Variants in SAMD4A observed in about 807,000 individuals in gnomAD.
SAMD4A encodes protein Smaug homolog 1.
SAMD4A carries 33 observed loss-of-function variants against 81.3 expected under a neutral mutation model. The ratio of observed to expected loss-of-function variants is 0.41; its 90% confidence interval spans 0.31 to 0.54. The LOEUF is 0.54. Among genes scored for constraint, SAMD4A ranks in the 20% least tolerant of loss-of-function variants. SAMD4A has a pLI of 0.37. For missense variants in SAMD4A, 854 were observed against 951.1 expected, an observed-to-expected ratio of 0.90 and a Z score of 1.34; for synonymous variants, 389 against 382.1, an observed-to-expected ratio of 1.02 and a Z score of -0.21.
chr14:54,675,060 G>A (rs568912697), intron 2 of SAMD4A, among the ~76,000 whole-genome samples: 2 of 152,188 alleles, frequency 1.3e-5, no homozygotes, highest in African/African-American at 4.8e-5. Flanking sequence ...GCTCAGTAGG[G>A]AGAGATTTTA....
chr14:54,752,576 A>G lies in SAMD4A; in HGVS notation c.1176+1039A>G, dbSNP rs78035082. On this transcript the variant is annotated intron_variant, in intron 6 of 12. Coordinates refer to ENST00000554335, the MANE Select transcript of SAMD4A (RefSeq NM_015589.6). Reference sequence around the variant, plus strand: ...AGTGGTAATTTTTCAGCAGGTGCACAAAGATGTGTGTGTGTATAATTTCGT... The same window carrying G: ...AGTGGTAATTTTTCAGCAGGTGCACGAAGATGTGTGTGTGTATAATTTCGT... Among the ~76,000 whole-genome samples, 1,026 of 152,330 alleles carry G rather than the reference A, an allele frequency of 6.7e-3. 15 individuals carry two copies. Among genetic ancestry groups the G allele is most frequent in the African/African-American group, 0.023 (966 of 41,560 alleles).
chr14:54,692,555 C>A (rs2036467627), intron 2 of SAMD4A, among the ~76,000 whole-genome samples: 2 of 152,120 alleles, frequency 1.3e-5, no homozygotes, highest in African/African-American at 4.8e-5. Flanking sequence ...ACACTTTTCT[C>A]CTTTGCAAGG....
chr14:54,679,769 T>G (rs962057300), intron 2 of SAMD4A, among the ~76,000 whole-genome samples: 1 of 152,224 alleles, frequency 6.6e-6, no homozygotes, highest in African/African-American at 2.4e-5. Context: ...AGGTCCTGTC[T>G]GCAATTGGGA....
At chr14:54,762,511 C>T (rs572318311) in intron 7 of SAMD4A, among the ~76,000 whole-genome samples, 1 of 152,294 alleles carries the variant, frequency 6.6e-6, no homozygotes, top group South Asian at 2.1e-4. Context: ...CTCTCCCCCA[C>T]CCACCCCTTA....
rs1555343980 is a variant in SAMD4A at position 54,692,885 on chromosome 14, C to CCCG, written c.197-9177_197-9176insCCG. On this transcript the variant is annotated intron_variant, in intron 2 of 12. Coordinates refer to ENST00000554335, the MANE Select transcript of SAMD4A (RefSeq NM_015589.6). Reference sequence around the variant, plus strand: ...GAAACAATCACTTAGTGCCCCCCCCCGCAAAAAAATCAGACATATAACAGT... The same window carrying CCCG: ...GAAACAATCACTTAGTGCCCCCCCCCCCGGCAAAAAAATCAGACATATAACAGT... 1.2e-4 allele frequency: 18 copies of CCCG among 147,456 alleles called. 1 individual carries two copies. The highest frequency in any genetic ancestry group is 2.1e-4 in the Non-Finnish European group (14 of 66,230). The allele number at this position is 147,456 out of a possible 1,614,324, so 9.1% of individuals were successfully genotyped here.
At chr14:54,612,349 C>T (rs2034379282) in intron 2 of SAMD4A, among the ~76,000 whole-genome samples, 1 of 152,082 alleles carries the variant, frequency 6.6e-6, no homozygotes, top group Admixed American at 6.6e-5. Flanking sequence ...ATAGACTAAT[C>T]TACATATGTC....
intron 2 of SAMD4A, among the ~76,000 whole-genome samples, chr14:54,649,050 T>A (rs188912972): frequency 2.3e-4 from 35 of 152,198 alleles, no homozygotes; most frequent in Admixed American, 6.5e-4. Flanking sequence ...GATTCCAAAG[T>A]TTTGTCCTGA....
At chr14:54,728,740 C>T (rs772679333) in intron 3 of SAMD4A, among the ~76,000 whole-genome samples, 24 of 152,196 alleles carry the variant, frequency 1.6e-4, no homozygotes, top group Non-Finnish European at 3.5e-4. Flanking sequence ...TAATTATTTA[C>T]AGCCCTTCTC....
At position 54,743,881 on chromosome 14, in the gene SAMD4A, T is replaced by C. The variant is rs79273167; in HGVS notation, c.980-4934T>C. Among the ~76,000 whole-genome samples the C allele has an allele frequency of 6.6e-5, 10 of 152,364 alleles. No homozygotes were observed. The East Asian group carries it at 1.9e-3, about 29-fold the overall frequency. ...CTGCTTGTTCTGCTCTGGCCAGAAA[T>C]AAAGACAAGCTTCTGTAACCTTGAC... On this transcript the variant is annotated intron_variant, in intron 4 of 12. Transcript: ENST00000554335.
chr14:54,784,669 T>C (rs1250482762), intron 12 of SAMD4A, 49 bp downstream of exon 12: 2 of 1,508,138 alleles, frequency 1.3e-6, no homozygotes, highest in African/African-American at 1.4e-5. Context: ...ACCGTGTGCC[T>C]GGGAGAACTG....
At chr14:54,779,684 T>A (rs200249165) in intron 11 of SAMD4A, among the ~76,000 whole-genome samples, 3,871 of 150,660 alleles carry the variant, frequency 0.026, 178 homozygotes, top group African/African-American at 0.087. Context: ...CAAGCTTTTT[T>A]TTTTTTTTTT....
At chr14:54,776,104 T>C (rs1479251603) in intron 10 of SAMD4A, among the ~76,000 whole-genome samples, 1 of 149,622 alleles carries the variant, frequency 6.7e-6, no homozygotes, top group Non-Finnish European at 1.5e-5. Flanking sequence ...CCCCATTTCC[T>C]AGAAAAGTGG....
chr14:54,591,435 A>T (rs926465964), intron 2 of SAMD4A, among the ~76,000 whole-genome samples: 2 of 152,234 alleles, frequency 1.3e-5, no homozygotes, highest in Non-Finnish European at 2.9e-5. Context: ...ACAGAGAAAT[A>T]AAAAATTTAT....
At chr14:54,737,394 TC>T in intron 4 of SAMD4A, 107 bp downstream of exon 4, 2 of 1,316,526 alleles carry the variant, frequency 1.5e-6, no homozygotes, top group Non-Finnish European at 2.1e-6. Context: ...GCCCACCCCT[TC>T]CCCAGGCTTA....
chr14:54,674,039 C>T (rs1439459775), intron 2 of SAMD4A, among the ~76,000 whole-genome samples: 1 of 152,188 alleles, frequency 6.6e-6, no homozygotes, highest in Non-Finnish European at 1.5e-5. Context: ...AAAATTCATT[C>T]ACTTCTCTCC....
At chr14:54,573,641 T>G (rs1050146372) in intron 2 of SAMD4A, among the ~76,000 whole-genome samples, 1 of 152,230 alleles carries the variant, frequency 6.6e-6, no homozygotes, top group Non-Finnish European at 1.5e-5. Flanking sequence ...TGTTCCTTCC[T>G]TTTCATCTCT....
intron 2 of SAMD4A, among the ~76,000 whole-genome samples, chr14:54,701,587 CACA>C (rs2036717528): frequency 6.6e-6 from 1 of 152,176 alleles, no homozygotes; most frequent in Non-Finnish European, 1.5e-5. Flanking sequence ...TTTCCAATTT[CACA>C]CAAATGCCTT....
At chr14:54,704,338 G>A (rs541183454) in intron 3 of SAMD4A, among the ~76,000 whole-genome samples, 2 of 152,308 alleles carry the variant, frequency 1.3e-5, no homozygotes, top group South Asian at 4.1e-4. Flanking sequence ...AGCTGGGAGA[G>A]ATGCAAACTC....
At chr14:54,601,956 C>T (rs528246303) in intron 2 of SAMD4A, among the ~76,000 whole-genome samples, 10 of 152,172 alleles carry the variant, frequency 6.6e-5, no homozygotes, top group South Asian at 2.1e-4. Context: ...AAGAAAACTC[C>T]GAAGGCATCT....
Sources: gnomAD v4.1 joint callset for allele counts (sites outside exome capture counted in the v4.1 genomes callset) on GRCh38, gnomAD v4.1.1 for gene constraint, MANE v1.5 for transcripts, NCBI Gene and HGNC (gene_info 2026-07-23, HGNC 2026-07-21) for gene names.